The following NCAM2 variants were observed in gnomAD, a reference collection of about 807,000 sequenced individuals.
NCAM2 encodes neural cell adhesion molecule 2.
Under a neutral mutation model 98.1 loss-of-function variants are expected in NCAM2, and 30 were observed. That is an observed-to-expected ratio of 0.31 (90% confidence interval 0.23 to 0.41). NCAM2 has a LOEUF of 0.41. NCAM2 is among the 10% of genes least tolerant of loss of function. The pLI is 1.00. For missense variants in NCAM2, 867 were observed against 1,005.8 expected, an observed-to-expected ratio of 0.86 and a Z score of 1.87; for synonymous variants, 368 against 342.4, an observed-to-expected ratio of 1.07 and a Z score of -0.83.
chr21:21,154,785 T>C (rs995471144), intron 1 of NCAM2, among the ~76,000 whole-genome samples: 1 of 151,848 alleles, frequency 6.6e-6, no homozygotes, highest in African/African-American at 2.4e-5. Context: ...TTACAAATTG[T>C]CTTAAATACC....
intron 15 of NCAM2, among the ~76,000 whole-genome samples, chr21:21,497,215 G>A (rs1569119722): frequency 6.6e-6 from 1 of 152,092 alleles, no homozygotes; most frequent in Non-Finnish European, 1.5e-5. Context: ...ACTAGAGGAT[G>A]GGGTGTGGGT....
At chr21:21,258,910 C>G (rs1376803353) in intron 1 of NCAM2, among the ~76,000 whole-genome samples, 3 of 152,068 alleles carry the variant, frequency 2.0e-5, no homozygotes, top group Non-Finnish European at 4.4e-5. Context: ...AAGTACAGCT[C>G]CATAAAGCTC....
intron 1 of NCAM2, among the ~76,000 whole-genome samples, chr21:21,001,790 A>G (rs1051556838): frequency 2.0e-5 from 3 of 152,298 alleles, no homozygotes; most frequent in African/African-American, 7.2e-5. Context: ...ACCTAAGCCA[A>G]AATCGTGAGG....
At chr21:21,268,601 A>G (rs933479252) in intron 1 of NCAM2, among the ~76,000 whole-genome samples, 1 of 151,828 alleles carries the variant, frequency 6.6e-6, no homozygotes, top group Non-Finnish European at 1.5e-5. Context: ...TATGTGGAAA[A>G]CCTCTCACTG....
intron 1 of NCAM2, among the ~76,000 whole-genome samples, chr21:21,122,725 G>T (rs1297200655): frequency 2.0e-5 from 3 of 152,078 alleles, no homozygotes; most frequent in African/African-American, 7.2e-5. Flanking sequence ...CCAAGGCAGG[G>T]GTCAAAGAGT....
chr21:21,396,084 G>A (rs1367199914), intron 9 of NCAM2, among the ~76,000 whole-genome samples: 1 of 151,386 alleles, frequency 6.6e-6, no homozygotes, highest in Non-Finnish European at 1.5e-5. Flanking sequence ...AACCCACAGA[G>A]AGGAAGAGAA....
chr21:21,341,292 A>G (rs937560318), intron 8 of NCAM2, among the ~76,000 whole-genome samples: 1 of 152,122 alleles, frequency 6.6e-6, no homozygotes, highest in African/African-American at 2.4e-5. Flanking sequence ...TGCAGATTCT[A>G]GATTCCCACT....
At chr21:21,532,143 A>G (rs772077002) in intron 16 of NCAM2, among the ~76,000 whole-genome samples, 18 of 152,044 alleles carry the variant, frequency 1.2e-4, no homozygotes, top group Non-Finnish European at 2.1e-4. Context: ...AAAGTTAAAA[A>G]TAACCTAAAT....
At chr21:21,056,316 A>C (rs2065208307) in intron 1 of NCAM2, among the ~76,000 whole-genome samples, 1 of 152,110 alleles carries the variant, frequency 6.6e-6, no homozygotes, top group African/African-American at 2.4e-5. Flanking sequence ...TATTGGAATA[A>C]ATGAGCAAAT....
chr21:21,320,538 T>C (rs1335480134), intron 5 of NCAM2, among the ~76,000 whole-genome samples: 2 of 74,486 alleles, frequency 2.7e-5, no homozygotes, highest in African/African-American at 1.4e-4. Context: ...AGCTGTTAGA[T>C]CATATTACAG....
chr21:21,341,590 TATC>T (rs1178303716), intron 8 of NCAM2, among the ~76,000 whole-genome samples: 2 of 152,110 alleles, frequency 1.3e-5, no homozygotes, highest in African/African-American at 4.8e-5. Flanking sequence ...AATAGTGAAA[TATC>T]ATAAATGTCG....
chr21:21,504,848 C>T (rs1051339112), intron 15 of NCAM2, among the ~76,000 whole-genome samples: 2 of 151,454 alleles, frequency 1.3e-5, no homozygotes, highest in Non-Finnish European at 3.0e-5. Context: ...TACATGACAA[C>T]TTTTGATACA....
chr21:21,263,459 A>T (rs998455047), intron 1 of NCAM2, among the ~76,000 whole-genome samples: 6 of 152,096 alleles, frequency 3.9e-5, no homozygotes, highest in Non-Finnish European at 5.9e-5. Context: ...TACAAATTCA[A>T]TGAAATTCAT....
At chr21:21,347,932 T>C (rs1285243180) in intron 8 of NCAM2, among the ~76,000 whole-genome samples, 1 of 151,872 alleles carries the variant, frequency 6.6e-6, no homozygotes, top group Non-Finnish European at 1.5e-5. Context: ...ATAAAAACAC[T>C]CAAAAAACTG....
At chr21:21,218,093 G>C (rs1323037388) in intron 1 of NCAM2, among the ~76,000 whole-genome samples, 1 of 152,134 alleles carries the variant, frequency 6.6e-6, no homozygotes, top group Non-Finnish European at 1.5e-5. Context: ...AATAATAAAT[G>C]GGTGTTGTTT....
At chr21:21,394,469 C>CTTTTTTTTTTTTTTTTTTTTTT (rs532068473) in intron 9 of NCAM2, among the ~76,000 whole-genome samples, 10 of 57,672 alleles carry the variant, frequency 1.7e-4, no homozygotes, top group East Asian at 4.7e-4. Context: ...AAGGGGCCAG[C>CTTTTTTTTTTTTTTTTTTTTTT]TTTTTTTTTT....
intron 13 of NCAM2, 59 bp from the exon 14 acceptor site, chr21:21,468,603 T>A: frequency 6.7e-7 from 1 of 1,488,698 alleles, no homozygotes; most frequent in Non-Finnish European, 9.1e-7. Flanking sequence ...TATTAAAATA[T>A]AGTTTATCTA....
intron 1 of NCAM2, among the ~76,000 whole-genome samples, chr21:21,193,227 GAA>G (rs964244803): frequency 5.9e-5 from 9 of 151,924 alleles, no homozygotes; most frequent in African/African-American, 2.2e-4. Context: ...TTAAATGAAT[GAA>G]AGGATTATAG....
intron 16 of NCAM2, among the ~76,000 whole-genome samples, chr21:21,528,015 A>G (rs1014533280): frequency 5.3e-5 from 8 of 152,228 alleles, no homozygotes; most frequent in African/African-American, 1.7e-4. Context: ...TCAGCACTAA[A>G]AAGGAAAGAG....
Sources: gnomAD v4.1 joint callset for allele counts (sites outside exome capture counted in the v4.1 genomes callset) on GRCh38, gnomAD v4.1.1 for gene constraint, MANE v1.5 for transcripts, NCBI Gene and HGNC (gene_info 2026-07-23, HGNC 2026-07-21) for gene names.